The following CUX1 variants were observed in gnomAD, a reference collection of about 807,000 sequenced individuals.
The protein encoded by CUX1 is protein CASP.
CUX1 carries 31 observed loss-of-function variants against 158.8 expected under a neutral mutation model. The ratio of observed to expected loss-of-function variants is 0.20; its 90% confidence interval spans 0.15 to 0.26. The LOEUF is 0.26. Ranked by LOEUF, CUX1 falls within the 10% of genes least tolerant of loss-of-function variation. The probability of loss-of-function intolerance (pLI) is 1.00; values close to 1 mark genes in which losing one functional copy is unlikely to be tolerated. For synonymous variants in CUX1, 879 were observed against 862.1 expected, an observed-to-expected ratio of 1.02 and a Z score of -0.34; for missense variants, 1,589 against 2,014.6, an observed-to-expected ratio of 0.79 and a Z score of 4.04.
At chr7:102,146,331 G>T (rs1835018194) in intron 8 of CUX1, among the ~76,000 whole-genome samples, 1 of 152,164 alleles carries the variant, frequency 6.6e-6, no homozygotes, top group Admixed American at 6.5e-5. Context: ...GATCACGCTG[G>T]GGTCACACGC....
chr7:102,077,895 A>G (rs1826950518), intron 4 of CUX1, among the ~76,000 whole-genome samples: 1 of 150,046 alleles, frequency 6.7e-6, no homozygotes, highest in Non-Finnish European at 1.5e-5. Context: ...TTTTTTTACA[A>G]TGAGTATGTA....
At chr7:101,961,698 A>G (rs1810517835) in intron 2 of CUX1, 1 of 152,202 alleles carries the variant, frequency 6.6e-6, no homozygotes, top group Admixed American at 6.6e-5. Context: ...TGGCCAACAT[A>G]GTGAAGCCTT....
intron 1 of CUX1, among the ~76,000 whole-genome samples, chr7:101,906,031 G>T (rs1469368719): frequency 6.6e-6 from 1 of 151,512 alleles, no homozygotes; most frequent in Non-Finnish European, 1.5e-5. Flanking sequence ...TTACTATGTG[G>T]CCCAAGCTGG....
chr7:101,919,405 C>T (rs1001951306), intron 2 of CUX1, among the ~76,000 whole-genome samples: 1 of 152,150 alleles, frequency 6.6e-6, no homozygotes. Flanking sequence ...GTGGAGGTGA[C>T]GTCGGGTTGT....
At chr7:101,866,924 A>T (rs1286995483) in intron 1 of CUX1, among the ~76,000 whole-genome samples, 1 of 152,218 alleles carries the variant, frequency 6.6e-6, no homozygotes, top group African/African-American at 2.4e-5. Context: ...AAAGTTTCAT[A>T]AAAGTTGTAT....
intron 2 of CUX1, among the ~76,000 whole-genome samples, chr7:101,943,078 CTTT>C (rs58332486): frequency 8.7e-5 from 7 of 80,326 alleles, no homozygotes; most frequent in Admixed American, 1.5e-4. Flanking sequence ...CTGGTCAGTG[CTTT>C]TTTTTTTTTT....
intron 8 of CUX1, among the ~76,000 whole-genome samples, chr7:102,149,063 G>T (rs1554502845): frequency 6.6e-6 from 1 of 152,086 alleles, no homozygotes; most frequent in Admixed American, 6.6e-5. Context: ...CAAAGGGTGT[G>T]GGAAGAGACT....
rs1214519762 is a variant in CUX1, at chr7:102,255,076, C to T, written c.*6034C>T. 1.4e-5 allele frequency: 14 copies of T among 985,280 alleles called. No individual in the cohort carries two copies. Among genetic ancestry groups the T allele is most frequent in the Middle Eastern group, 5.2e-4 (1 of 1,936 alleles). The allele number at this position is 985,280 out of a possible 1,614,324, so 61.0% of individuals were successfully genotyped here. On this transcript the variant is annotated 3_prime_UTR_variant, in exon 24 of 24. Coordinates refer to ENST00000292535, the MANE Select transcript of CUX1 (RefSeq NM_181552.4). The stretch of plus-strand genomic sequence containing the variant: ...AAACAAGCCCCAGCCCTACTCCCGG[C>T]CCCCCAGCCCAGTCTTCCCAATCCC...
chr7:102,176,204 C>T (rs1370169773), intron 10 of CUX1, among the ~76,000 whole-genome samples: 2 of 152,232 alleles, frequency 1.3e-5, no homozygotes, highest in East Asian at 1.9e-4. Flanking sequence ...TCATTTTCCC[C>T]GAGGGAGATA....
intron 4 of CUX1, among the ~76,000 whole-genome samples, chr7:102,072,306 C>CATTCA (rs755166056): frequency 4.6e-5 from 7 of 152,166 alleles, no homozygotes; most frequent in Non-Finnish European, 1.0e-4. Context: ...TGGTGGCCCT[C>CATTCA]ATTCAGTCTG....
chr7:102,105,175 TTACACACACACA>T (rs1483255078), intron 6 of CUX1, among the ~76,000 whole-genome samples: 1 of 106,422 alleles, frequency 9.4e-6, no homozygotes, highest in Non-Finnish European at 1.9e-5. Flanking sequence ...ATATTTAATA[TTACACACACACA>T]CACACACACA....
At chr7:102,132,296 T>C (rs1833350119) in intron 8 of CUX1, among the ~76,000 whole-genome samples, 1 of 23,634 alleles carries the variant, frequency 4.2e-5, no homozygotes, top group African/African-American at 1.9e-4. Flanking sequence ...AGAGAGAGTG[T>C]GTGTGTGTGT....
chr7:101,824,336 C>G (rs765493958), intron 1 of CUX1: 1 of 152,278 alleles, frequency 6.6e-6, no homozygotes, highest in Non-Finnish European at 1.5e-5. Context: ...CAATCCACCC[C>G]CTTCGGCCTC....
intron 3 of CUX1, among the ~76,000 whole-genome samples, chr7:102,033,502 A>G (rs1027279944): frequency 1.3e-5 from 2 of 152,220 alleles, no homozygotes; most frequent in Non-Finnish European, 2.9e-5. Context: ...AAAATTGGGG[A>G]TGACATTGCA....
At chr7:102,225,562 G>C (rs1554528370) in intron 20 of CUX1, among the ~76,000 whole-genome samples, 3 of 152,196 alleles carry the variant, frequency 2.0e-5, no homozygotes, top group African/African-American at 7.2e-5. Context: ...CAAGGGAGAA[G>C]CAGCAAGAGT....
intron 9 of CUX1, chr7:102,161,447 AG>A (rs1790422187): frequency 6.6e-6 from 1 of 152,216 alleles, no homozygotes; most frequent in Non-Finnish European, 1.5e-5. Context: ...CCTTCAGGAA[AG>A]GGTGGTGAGG....
At chr7:102,080,456 G>T (rs1252719638) in intron 4 of CUX1, among the ~76,000 whole-genome samples, 2 of 152,152 alleles carry the variant, frequency 1.3e-5, no homozygotes, top group South Asian at 4.1e-4. Flanking sequence ...GTGCCCTGGC[G>T]AAAAGTAGCG....
At chr7:101,857,483 G>A (rs1328928717) in intron 1 of CUX1, among the ~76,000 whole-genome samples, 5 of 152,326 alleles carry the variant, frequency 3.3e-5, no homozygotes, top group South Asian at 4.1e-4. Context: ...GTAGGCCTCC[G>A]AAGTCAGCTG....
At chr7:102,069,328 C>T (rs1035298663) in intron 3 of CUX1, among the ~76,000 whole-genome samples, 3 of 152,132 alleles carry the variant, frequency 2.0e-5, no homozygotes, top group African/African-American at 2.4e-5. Context: ...CATATGTATC[C>T]GCGTTCCCAC....
Sources: gnomAD v4.1 joint callset for allele counts (sites outside exome capture counted in the v4.1 genomes callset) on GRCh38, gnomAD v4.1.1 for gene constraint, MANE v1.5 for transcripts, NCBI Gene and HGNC (gene_info 2026-07-23, HGNC 2026-07-21) for gene names.